MSI2: variants seen among roughly 807,000 people sequenced by gnomAD.
MSI2 encodes the protein RNA-binding protein Musashi homolog 2.
In MSI2, 17 loss-of-function variants were observed where a neutral mutation model predicts 45.6. That is an observed-to-expected ratio of 0.37 (90% confidence interval 0.26 to 0.56). The LOEUF is 0.56. Ranked by LOEUF, MSI2 falls within the 20% of genes least tolerant of loss-of-function variation. The pLI is 0.77. For synonymous variants in MSI2, 156 were observed against 158.2 expected, an observed-to-expected ratio of 0.99 and a Z score of 0.11; for missense variants, 293 against 444.2, an observed-to-expected ratio of 0.66 and a Z score of 3.06.
intron 7 of MSI2, among the ~76,000 whole-genome samples, chr17:57,533,924 C>T (rs961668805): frequency 6.6e-6 from 1 of 152,234 alleles, no homozygotes; most frequent in Non-Finnish European, 1.5e-5. Context: ...GAAGGAGGTC[C>T]TTCATTCCTG....
chr17:57,435,460 C>T lies in MSI2; in HGVS notation c.405+33989C>T, dbSNP rs116011177. 7.2e-3 allele frequency among the ~76,000 whole-genome samples: 1,090 copies of T among 152,290 alleles called. 12 individuals carry two copies. Among genetic ancestry groups the T allele is most frequent in the African/African-American group, 0.025 (1,041 of 41,562 alleles). ...AAGCCTTTGGAAGGTTTTAAGCAGA[C>T]AAGTGACAAGATCAGTGTTTTTAAA... On this transcript the variant is annotated intron_variant, in intron 6 of 13. Transcript: ENST00000284073.
chr17:57,412,444 G>A (rs1024095989), intron 6 of MSI2, among the ~76,000 whole-genome samples: 1 of 152,148 alleles, frequency 6.6e-6, no homozygotes, highest in Non-Finnish European at 1.5e-5. Context: ...CTTCAGGATC[G>A]CTTCTGGCTG....
chr17:57,402,198 A>G (rs1426887593), intron 6 of MSI2, among the ~76,000 whole-genome samples: 1 of 152,046 alleles, frequency 6.6e-6, no homozygotes, highest in Non-Finnish European at 1.5e-5. Context: ...GTGCCTTGAG[A>G]GTGGGTTCTT....
rs184857662 is a variant in MSI2 at position 57,346,573 on chromosome 17, T to C, written c.313-54806T>C. 1.9e-3 allele frequency among the ~76,000 whole-genome samples: 284 copies of C among 152,282 alleles called. 1 individual carries two copies. The highest frequency in any genetic ancestry group is 6.5e-3 in the African/African-American group (272 of 41,558). On this transcript the variant is annotated intron_variant, in intron 5 of 13. Transcript: ENST00000284073. ...CAATAAATAATCTTTCTTTTTTTGT[T>C]GTTTAAATCATTAGCAGAACATTTT...
chr17:57,454,812 T>C (rs887318837), intron 6 of MSI2, among the ~76,000 whole-genome samples: 4 of 152,318 alleles, frequency 2.6e-5, no homozygotes, highest in Admixed American at 2.6e-4. Flanking sequence ...AAGTAGTCCA[T>C]GTGGCGCTTG....
At chr17:57,420,272 A>C (rs2084370909) in intron 6 of MSI2, among the ~76,000 whole-genome samples, 2 of 152,218 alleles carry the variant, frequency 1.3e-5, no homozygotes, top group South Asian at 4.1e-4. Flanking sequence ...CATTTCTTTC[A>C]AATAACTAGC....
intron 5 of MSI2, among the ~76,000 whole-genome samples, chr17:57,295,789 A>G (rs1193845302): frequency 1.3e-5 from 2 of 152,174 alleles, no homozygotes; most frequent in South Asian, 2.1e-4. Flanking sequence ...TAAAATGCCA[A>G]AACAGCACCG....
chr17:57,583,057 G>A (rs1210178721), intron 7 of MSI2, among the ~76,000 whole-genome samples: 1 of 152,176 alleles, frequency 6.6e-6, no homozygotes, highest in Non-Finnish European at 1.5e-5. Flanking sequence ...TATGTTTTTG[G>A]GGGTGTGATG....
intron 5 of MSI2, among the ~76,000 whole-genome samples, chr17:57,387,779 C>T (rs1443967773): frequency 6.6e-6 from 1 of 152,148 alleles, no homozygotes; most frequent in East Asian, 1.9e-4. Context: ...AAGGTTTGAT[C>T]CCCATTCACA....
intron 6 of MSI2, among the ~76,000 whole-genome samples, chr17:57,515,137 G>A (rs914004174): frequency 6.6e-6 from 1 of 152,194 alleles, no homozygotes; most frequent in African/African-American, 2.4e-5. Flanking sequence ...TGAAAGACAG[G>A]CCTAATGGCT....
At chr17:57,563,168 A>T (rs1243231201) in intron 7 of MSI2, among the ~76,000 whole-genome samples, 1 of 150,316 alleles carries the variant, frequency 6.7e-6, no homozygotes, top group Non-Finnish European at 1.5e-5. Flanking sequence ...TTATGTGTAT[A>T]GGCTGCATAG....
At chr17:57,447,590 G>A (rs558646350) in intron 6 of MSI2, among the ~76,000 whole-genome samples, 2 of 118,730 alleles carry the variant, frequency 1.7e-5, no homozygotes, top group African/African-American at 6.3e-5. Context: ...TGGCATGGGT[G>A]GGGGGGGTGT....
At chr17:57,655,330 G>C (rs1187006609) in intron 11 of MSI2, among the ~76,000 whole-genome samples, 1 of 152,140 alleles carries the variant, frequency 6.6e-6, no homozygotes, top group Non-Finnish European at 1.5e-5. Context: ...AGTTCCAGTG[G>C]CCCCATCATG....
intron 6 of MSI2, among the ~76,000 whole-genome samples, chr17:57,427,364 C>T (rs2084512422): frequency 6.6e-6 from 1 of 151,702 alleles, no homozygotes; most frequent in Non-Finnish European, 1.5e-5. Context: ...CACCACTGCA[C>T]TCCAGCCTGG....
chr17:57,396,646 C>T (rs1405832020), intron 5 of MSI2, among the ~76,000 whole-genome samples: 3 of 152,150 alleles, frequency 2.0e-5, no homozygotes, highest in Admixed American at 6.5e-5. Context: ...ATTTTCCAAA[C>T]GGGAATGGGT....
intron 5 of MSI2, among the ~76,000 whole-genome samples, chr17:57,336,780 G>C (rs980840435): frequency 6.6e-6 from 1 of 152,114 alleles, no homozygotes; most frequent in Non-Finnish European, 1.5e-5. Context: ...TGTGTTATTT[G>C]CCTACTGCCG....
chr17:57,323,266 C>T (rs1913495213), intron 5 of MSI2, among the ~76,000 whole-genome samples: 1 of 152,192 alleles, frequency 6.6e-6, no homozygotes, highest in Non-Finnish European at 1.5e-5. Flanking sequence ...ACCCAGGTCT[C>T]ATATCCTGCA....
chr17:57,579,374 T>C (rs934379773), intron 7 of MSI2, among the ~76,000 whole-genome samples: 1 of 152,154 alleles, frequency 6.6e-6, no homozygotes, highest in African/African-American at 2.4e-5. Flanking sequence ...CTGGCCCCCA[T>C]GCTGGGTGGT....
At chr17:57,257,435 C>T (rs752363405) in intron 2 of MSI2, 31 bp from the exon 3 acceptor site, 5 of 1,157,206 alleles carry the variant, frequency 4.3e-6, no homozygotes, top group Middle Eastern at 2.0e-4. Flanking sequence ...CCTTCTCTCC[C>T]CCCCCCATCT....
Sources: allele counts gnomAD v4.1 joint callset (sites outside exome capture counted in the v4.1 genomes callset), GRCh38; gene constraint gnomAD v4.1.1; transcripts MANE v1.5; gene names NCBI Gene and HGNC (gene_info 2026-07-23, HGNC 2026-07-21).